Variants in XPO6 observed in about 807,000 individuals in gnomAD.
XPO6 encodes exportin 6, also known as exportin-6.
XPO6 carries 3 observed loss-of-function variants against 130.0 expected under a neutral mutation model. That is an observed-to-expected ratio of 0.02 (90% CI 0.01 to 0.06). The LOEUF (loss-of-function observed/expected upper bound fraction) is 0.06, where lower values mean the gene tolerates loss of function less well. XPO6 is among the 10% of genes least tolerant of loss of function. The pLI, the probability that XPO6 is intolerant of heterozygous loss-of-function variation, is 1.00. For missense variants in XPO6, 970 were observed against 1,393.0 expected (o/e 0.70, Z 4.83); for synonymous variants, 524 against 548.9 (o/e 0.95, Z 0.63).
intron 14 of XPO6, among the ~76,000 whole-genome samples, chr16:28,117,891 A>G (rs2087110060): frequency 6.6e-6 from 1 of 152,214 alleles, no homozygotes; most frequent in Non-Finnish European, 1.5e-5. Flanking sequence ...CAGATTTTGG[A>G]GTTTAAGCTT....
intron 3 of XPO6, among the ~76,000 whole-genome samples, chr16:28,177,004 C>T (rs1270670739): frequency 1.3e-5 from 2 of 152,134 alleles, no homozygotes; most frequent in Non-Finnish European, 2.9e-5. Flanking sequence ...GACCTACCTA[C>T]TTAACCCTAA....
At chr16:28,194,942 T>C (rs1381407693) in intron 1 of XPO6, among the ~76,000 whole-genome samples, 3 of 149,932 alleles carry the variant, frequency 2.0e-5, no homozygotes, top group African/African-American at 7.4e-5. Context: ...AACAGTTCCA[T>C]GTCTTCACAC....
Position 28,111,870 on chromosome 16 carries a change from C to A in XPO6, c.2288G>T (p.Arg763Leu). 1 of 1,614,116 alleles carries A rather than the reference C, an allele frequency of 6.2e-7. No individual in the cohort carries two copies. The highest frequency in any genetic ancestry group is 1.3e-5 in the African/African-American group (1 of 75,010). ...SLISALSRDY[R>L]NLKPSAVAPQ... ...GGCAACAGCACTGGGCTTCAGGTTGCGATAGTCCCGGGAGAGTGCAGAGAT... is the reference window on the plus strand; with the variant it reads ...GGCAACAGCACTGGGCTTCAGGTTGAGATAGTCCCGGGAGAGTGCAGAGAT... The change falls in exon 17 of 24, where the codon CGC becomes CTC. Residue 763 changes from arginine to leucine, a missense_variant. Physicochemically the swap from Arg to Leu is moderately radical, Grantham distance 102 (BLOSUM62 -2). Around this residue, in one of 4 missense-constraint regions of XPO6, gnomAD observed 936 missense variants for 1,306.8 expected, o/e 0.72. Coordinates refer to ENST00000304658, the MANE Select transcript of XPO6 (RefSeq NM_015171.4).
Position 28,106,527 on chromosome 16 carries a change from G to A in XPO6, c.2498-30C>T, listed in dbSNP as rs146947938. 1.9e-3 allele frequency: 2,942 copies of A among 1,577,850 alleles called. 29 individuals carry two copies. The Middle Eastern group carries it at 0.031, about 17-fold the overall frequency. On this transcript the variant is annotated intron_variant, in intron 18 of 23. Transcript: ENST00000304658. This position sits in a 1 kb window ranked among gnomAD's most constrained non-coding sequence, Gnocchi z 4.2. The stretch of plus-strand genomic sequence containing the variant: ...GGAAAGGGGCAGAGATATCGTCAGA[G>A]GCTTGCACACAGTGAGAACCAGAAC...
intron 1 of XPO6, among the ~76,000 whole-genome samples, chr16:28,181,373 T>C (rs2043611654): frequency 6.6e-6 from 1 of 152,158 alleles, no homozygotes; most frequent in African/African-American, 2.4e-5. Context: ...GCAGAGAGAT[T>C]CAAGAAGGCC....
chr16:28,108,542 G>A (rs961187952), intron 17 of XPO6, among the ~76,000 whole-genome samples: 3 of 152,186 alleles, frequency 2.0e-5, no homozygotes, highest in African/African-American at 7.2e-5. Flanking sequence ...GGTCCAGGAC[G>A]GAGATGCTGC....
chr16:28,206,038 A>G (rs2141916406), intron 1 of XPO6, among the ~76,000 whole-genome samples: 1 of 150,722 alleles, frequency 6.6e-6, no homozygotes, highest in Non-Finnish European at 1.5e-5. Context: ...ACTGTCTCAA[A>G]AAAAAAAAAA....
In XPO6 at chr16:28,156,442, C is replaced by G; in HGVS notation, c.729G>C (p.Glu243Asp). The G allele has an allele frequency of 6.2e-7, 1 of 1,613,494 alleles. No homozygotes were observed. Among genetic ancestry groups the G allele is most frequent in the Non-Finnish European group, 8.5e-7 (1 of 1,179,576 alleles). The change falls in exon 7 of 24, where the codon GAG (glutamate) becomes GAC (aspartate). Residue 243 changes from glutamate (E) to aspartate (D), a missense_variant. Transcript: ENST00000304658. ...QPIPILDVES[E>D]YICSLALECL... ...ACTCCAAAGCCAGGGAACAGATATA[C>G]TCACTCTCCACATCAAGGATGGGAA...
chr16:28,143,563 AGT>A (rs554371621), intron 9 of XPO6, among the ~76,000 whole-genome samples: 77 of 152,346 alleles, frequency 5.1e-4, no homozygotes, highest in African/African-American at 1.7e-3. Context: ...GATCTGCAAA[AGT>A]GTGTGTTTAA....
intron 9 of XPO6, among the ~76,000 whole-genome samples, chr16:28,138,123 C>T (rs528825740): frequency 3.3e-5 from 5 of 152,270 alleles, no homozygotes; most frequent in South Asian, 2.1e-4. Context: ...AAATCTGCAA[C>T]GTCTGTGGGA....
chr16:28,105,995 C>T (rs773805028), intron 20 of XPO6, 48 bp downstream of exon 20: 2 of 1,581,370 alleles, frequency 1.3e-6, no homozygotes, highest in Non-Finnish European at 1.7e-6. Context: ...ATTCCCTTCC[C>T]AATCTGGAGA....
At position 28,121,655 on chromosome 16, in the gene XPO6, A is replaced by G; in HGVS notation, c.1859+15T>C. On this transcript the variant is annotated intron_variant, in intron 14 of 23. Coordinates refer to ENST00000304658, the MANE Select transcript of XPO6 (RefSeq NM_015171.4). The stretch of plus-strand genomic sequence containing the variant: ...TCTTTCCTAAAAATGCACAAACATC[A>G]AACTCTAGACTTACACATCAATGAG... 1 of 1,585,014 alleles carries G rather than the reference A, an allele frequency of 6.3e-7. No homozygotes were observed. The highest frequency in any genetic ancestry group is 8.7e-7 in the Non-Finnish European group (1 of 1,153,568).
chr16:28,122,165 C>T (rs972917046), intron 13 of XPO6, among the ~76,000 whole-genome samples: 6 of 151,896 alleles, frequency 4.0e-5, no homozygotes, highest in Admixed American at 3.9e-4. Flanking sequence ...AGAAGACAGG[C>T]GGGAAGAAGT....
rs566701403 is a variant in XPO6 at position 28,124,384 on chromosome 16, T to C, written c.1766+1305A>G. Among the ~76,000 whole-genome samples the C allele has an allele frequency of 1.3e-4, 20 of 152,326 alleles. 1 individual carries two copies. Among genetic ancestry groups the C allele is most frequent in the African/African-American group, 4.8e-4 (20 of 41,586 alleles). ...ACTGAACAGATAAGATATATCTATA[T>C]TGCTTAACAGAGTAAGTTCAAATAA... On this transcript the variant is annotated intron_variant, in intron 13 of 23. Coordinates refer to ENST00000304658, the MANE Select transcript of XPO6 (RefSeq NM_015171.4).
Position 28,107,512 on chromosome 16 carries a change from C to T in XPO6, c.2497+10G>A, listed in dbSNP as rs373536533. ...CCACCCACCAGTGGGGCCTCTGGGC[C>T]AGCTCCTACCTGACTGATGGATAAA... On this transcript the variant is annotated intron_variant, in intron 18 of 23. Coordinates refer to ENST00000304658, the MANE Select transcript of XPO6 (RefSeq NM_015171.4). The T allele has an allele frequency of 2.4e-5, 38 of 1,613,750 alleles. No individual in the cohort carries two copies. The highest frequency in any genetic ancestry group is 3.3e-5 in the Admixed American group (2 of 60,002).
At chr16:28,119,876 G>C (rs2087183639) in intron 14 of XPO6, among the ~76,000 whole-genome samples, 1 of 151,808 alleles carries the variant, frequency 6.6e-6, no homozygotes, top group African/African-American at 2.4e-5. Flanking sequence ...TTTCTTTTTT[G>C]AGACAGGGTC....
At chr16:28,110,595 C>A (rs1286634983) in intron 17 of XPO6, among the ~76,000 whole-genome samples, 1 of 152,198 alleles carries the variant, frequency 6.6e-6, no homozygotes, top group Non-Finnish European at 1.5e-5. Context: ...ACATAACTCC[C>A]ATGTAAGATA....
Position 28,104,713 on chromosome 16 carries a change from AAGAC to A in XPO6, c.2785-10_2785-7del. The stretch of plus-strand genomic sequence containing the variant: ...TTCACATCAGGGGAGGGACGCTGCA[AAGAC>A]ACACAGACGCTCAGACCTGCAGCTT... On this transcript the variant is annotated splice_region_variant and splice_polypyrimidine_tract_variant and intron_variant, in intron 20 of 23. Coordinates refer to ENST00000304658, the MANE Select transcript of XPO6 (RefSeq NM_015171.4). The A allele has an allele frequency of 6.2e-7, 1 of 1,613,606 alleles. No individual in the cohort carries two copies. The highest frequency in any genetic ancestry group is 8.5e-7 in the Non-Finnish European group (1 of 1,180,002).
At chr16:28,104,060 C>T (rs1262886306) in intron 21 of XPO6, among the ~76,000 whole-genome samples, 1 of 152,212 alleles carries the variant, frequency 6.6e-6, no homozygotes, top group Non-Finnish European at 1.5e-5. Context: ...AGCCCCCAGA[C>T]AGTGCACTCT....
Sources: gnomAD v4.1 joint callset for allele counts (sites outside exome capture counted in the v4.1 genomes callset) on GRCh38, gnomAD v4.1.1 for gene constraint, gnomAD v4.1.1 regional missense constraint, Gnocchi (gnomAD v3.1) non-coding constraint, MANE v1.5 for transcripts, NCBI Gene and HGNC (gene_info 2026-07-23, HGNC 2026-07-21) for gene names.